The following PMM2 variants were observed in gnomAD, a reference collection of about 807,000 sequenced individuals.
PMM2 encodes phosphomannomutase 2.
PMM2 carries 35 observed loss-of-function variants against 33.2 expected under a neutral mutation model. The ratio of observed to expected loss-of-function variants is 1.06; its 90% CI spans 0.81 to 1.40. The LOEUF (loss-of-function observed/expected upper bound fraction) is 1.40, where lower values mean the gene tolerates loss of function less well. PMM2 is among the 40% of genes most tolerant of loss of function. PMM2 has a pLI of 0.00. For missense variants in PMM2, 386 were observed against 306.0 expected, an observed-to-expected ratio of 1.26 and a Z score of -1.95; for synonymous variants, 153 against 114.7, an observed-to-expected ratio of 1.33 and a Z score of -2.13.
rs1267835243 is a variant in PMM2 at position 8,847,720 on chromosome 16, C to A, written c.640-4C>A. 1.2e-6 allele frequency: 2 copies of A among 1,609,560 alleles called. No individual in the cohort carries two copies. The highest frequency in any genetic ancestry group is 1.1e-5 in the South Asian group (1 of 90,996). On this transcript the variant is annotated splice_region_variant and splice_polypyrimidine_tract_variant and intron_variant, in intron 7 of 7. Coordinates refer to ENST00000268261, the MANE Select transcript of PMM2 (RefSeq NM_000303.3). ...GCCTTCATCTGTACTTCGTGTCTTT[C>A]CAGGGTGGCAATGACCATGAGATCT...
intron 7 of PMM2, among the ~76,000 whole-genome samples, chr16:8,834,635 G>T (rs2060832028): frequency 6.6e-6 from 1 of 152,072 alleles, no homozygotes; most frequent in African/African-American, 2.4e-5. Context: ...AATAGCAGAT[G>T]GAACACTGAG....
intron 1 of PMM2, among the ~76,000 whole-genome samples, chr16:8,798,852 T>C (rs191174879): frequency 6.6e-6 from 1 of 152,294 alleles, no homozygotes; most frequent in Non-Finnish European, 1.5e-5. Context: ...AGTTTTCGCT[T>C]GGTGGTAACA....
chr16:8,800,677 T>TTTGTTTTGTTTTG (rs1555448803), intron 1 of PMM2, among the ~76,000 whole-genome samples: 5 of 149,562 alleles, frequency 3.3e-5, no homozygotes, highest in African/African-American at 1.2e-4. Flanking sequence ...TTTTTTTTTT[T>TTTGTTTTGTTTTG]TTTTGTTTTG....
intron 1 of PMM2, among the ~76,000 whole-genome samples, chr16:8,799,792 C>G (rs573973267): frequency 6.6e-6 from 1 of 151,940 alleles, no homozygotes; most frequent in African/African-American, 2.4e-5. Context: ...GTGATCCACC[C>G]GCCTCGGCCT....
intron 7 of PMM2, among the ~76,000 whole-genome samples, chr16:8,817,530 T>C (rs2060714813): frequency 6.6e-6 from 1 of 152,260 alleles, no homozygotes; most frequent in African/African-American, 2.4e-5. Flanking sequence ...CAGAATGGAA[T>C]GCAGTTCTTG....
chr16:8,833,318 T>C (rs547587330), intron 7 of PMM2, among the ~76,000 whole-genome samples: 44 of 152,194 alleles, frequency 2.9e-4, no homozygotes, highest in Admixed American at 1.0e-3. Context: ...TTGATCAGTT[T>C]GGGTGGGGCA....
intron 4 of PMM2, 170 bp downstream of exon 4, chr16:8,806,577 G>C: frequency 1.6e-6 from 1 of 644,364 alleles, no homozygotes; most frequent in East Asian, 2.8e-5. Context: ...AAGCCTGAGA[G>C]CCGAGCTTGG....
At position 8,835,698 on chromosome 16, in the gene PMM2, T is replaced by C. The variant is rs528279361; in HGVS notation, c.640-12026T>C. ...GGGAATTGTAAGGAGAGTTTATAGGTTTTAAAAGGCCATGCTGTAGCAGGC... is the reference window on the plus strand; with the variant it reads ...GGGAATTGTAAGGAGAGTTTATAGGCTTTAAAAGGCCATGCTGTAGCAGGC... On this transcript the variant is annotated intron_variant, in intron 7 of 7. Transcript: ENST00000268261. 1.4e-4 allele frequency among the ~76,000 whole-genome samples: 22 copies of C among 152,116 alleles called. 1 individual carries two copies. The South Asian group carries it at 2.9e-3, about 20-fold the overall frequency.
intron 7 of PMM2, among the ~76,000 whole-genome samples, chr16:8,813,820 A>C (rs2060691429): frequency 6.7e-6 from 1 of 149,342 alleles, no homozygotes; most frequent in Non-Finnish European, 1.5e-5. Flanking sequence ...GAGGAGGCTC[A>C]TCACCACCCA....
chr16:8,798,188 T>G (rs2060590664), intron 1 of PMM2, among the ~76,000 whole-genome samples: 1 of 152,182 alleles, frequency 6.6e-6, no homozygotes, highest in African/African-American at 2.4e-5. Context: ...AGCAGGAAAC[T>G]TGTGCTAGGT....
chr16:8,811,185 C>T lies in PMM2; in HGVS notation c.447+7C>T. On this transcript the variant is annotated splice_region_variant and intron_variant, in intron 5 of 7. Coordinates refer to ENST00000268261, the MANE Select transcript of PMM2 (RefSeq NM_000303.3). Reference sequence around the variant, plus strand: ...GTTCTACGAACTCGATAAAGTACGTCTTTCTGAAATATCTTTGGTGAATGG... The same window carrying T: ...GTTCTACGAACTCGATAAAGTACGTTTTTCTGAAATATCTTTGGTGAATGG... 6.6e-7 allele frequency: 1 copy of T among 1,525,594 alleles called. No individual in the cohort carries two copies. Among genetic ancestry groups the T allele is most frequent in the Non-Finnish European group, 8.9e-7 (1 of 1,118,874 alleles). The allele number at this position is 1,525,594 out of a possible 1,614,324, so 94.5% of individuals were successfully genotyped here. A position where few individuals can be genotyped will look rare whatever the true frequency, so the allele number is the denominator to read the frequency against.
chr16:8,847,323 C>T (rs1191540167), intron 7 of PMM2, among the ~76,000 whole-genome samples: 2 of 151,814 alleles, frequency 1.3e-5, no homozygotes, highest in Non-Finnish European at 2.9e-5. Context: ...CTGCTCCCGG[C>T]CCTCTGCCCT....
intron 7 of PMM2, among the ~76,000 whole-genome samples, chr16:8,824,603 A>G (rs1166109162): frequency 6.6e-6 from 1 of 152,208 alleles, no homozygotes; most frequent in African/African-American, 2.4e-5. Flanking sequence ...AGTGCTTCCT[A>G]CATAATTTTA....
intron 7 of PMM2, among the ~76,000 whole-genome samples, chr16:8,816,950 TTAAAA>T (rs1034435271): frequency 2.0e-5 from 3 of 152,138 alleles, no homozygotes; most frequent in African/African-American, 4.8e-5. Context: ...TACCTGCTGT[TTAAAA>T]TAAAATAAAA....
At chr16:8,803,625 A>G (rs192806854) in intron 2 of PMM2, among the ~76,000 whole-genome samples, 37 of 152,358 alleles carry the variant, frequency 2.4e-4, no homozygotes, top group African/African-American at 7.0e-4. Context: ...GGTTGACAAC[A>G]TGGATAGTTT....
intron 7 of PMM2, among the ~76,000 whole-genome samples, chr16:8,820,446 T>A (rs1264938674): frequency 6.6e-6 from 1 of 151,406 alleles, no homozygotes; most frequent in Non-Finnish European, 1.5e-5. Flanking sequence ...CTTGAACTCC[T>A]GGGCTCAAGT....
chr16:8,805,190 C>T (rs754119463), intron 3 of PMM2, among the ~76,000 whole-genome samples: 4 of 152,188 alleles, frequency 2.6e-5, no homozygotes, highest in Non-Finnish European at 4.4e-5. Context: ...GCCTCAGCCT[C>T]CCCCATAGCT....
chr16:8,832,019 C>A, intron 7 of PMM2: 2 of 465,416 alleles, frequency 4.3e-6, no homozygotes, highest in Non-Finnish European at 5.6e-6. Context: ...AGTGCATATG[C>A]AAATCCAGCA....
intron 7 of PMM2, among the ~76,000 whole-genome samples, chr16:8,816,998 G>A (rs1348694961): frequency 2.6e-5 from 4 of 152,148 alleles, no homozygotes; most frequent in Non-Finnish European, 4.4e-5. Flanking sequence ...TGCCCAGGCT[G>A]TACTCCAACT....
Sources: allele counts gnomAD v4.1 joint callset (sites outside exome capture counted in the v4.1 genomes callset), GRCh38; gene constraint gnomAD v4.1.1; transcripts MANE v1.5; gene names NCBI Gene and HGNC (gene_info 2026-07-23, HGNC 2026-07-21).